TBC1D14: variants seen among roughly 807,000 people sequenced by gnomAD.
TBC1D14 encodes the protein TBC1 domain family, member 14.
Under a neutral mutation model 79.0 loss-of-function variants are expected in TBC1D14, and 26 were observed. The ratio of observed to expected loss-of-function variants is 0.33; its 90% CI spans 0.24 to 0.46. The LOEUF (loss-of-function observed/expected upper bound fraction) is 0.46. Among genes scored for constraint, TBC1D14 ranks in the 20% least tolerant of loss-of-function variants. TBC1D14 has a pLI of 1.00. For synonymous variants in TBC1D14, 394 were observed against 349.9 expected (o/e 1.13, Z -1.40); for missense variants, 769 against 887.6 (o/e 0.87, Z 1.70).
rs780065676 is a variant in TBC1D14 at position 7,014,516 on chromosome 4, CAAG to C, written c.1722_1724del (p.Lys574del). 7 of 1,613,854 alleles carry C rather than the reference CAAG, an allele frequency of 4.3e-6. No homozygotes were observed. The highest frequency in any genetic ancestry group is 2.7e-5 in the African/African-American group (2 of 74,940). On this transcript the variant is annotated inframe_deletion, in exon 12 of 14. Transcript: ENST00000409757. ...ATTTGCCGAAATTATTTGCGCATTT[CAAG>C]AAGAACAACCTAACTCCAGATATCT...
intron 1 of TBC1D14, among the ~76,000 whole-genome samples, chr4:6,922,058 GTTTGTTTT>G (rs1723910135): frequency 6.6e-6 from 1 of 151,994 alleles, no homozygotes; most frequent in Non-Finnish European, 1.5e-5. Flanking sequence ...TTGTTTGTTT[GTTTGTTTT>G]TTTAGAGATA....
intron 2 of TBC1D14, among the ~76,000 whole-genome samples, chr4:6,958,343 T>C (rs1714850682): frequency 6.9e-6 from 1 of 145,200 alleles, no homozygotes; most frequent in African/African-American, 2.7e-5. Context: ...AGGTGGGTGA[T>C]AGGGTAAGGG....
At chr4:6,916,905 G>C (rs1723444633) in intron 1 of TBC1D14, among the ~76,000 whole-genome samples, 1 of 152,216 alleles carries the variant, frequency 6.6e-6, no homozygotes, top group African/African-American at 2.4e-5. Context: ...GTACTGCAGT[G>C]GTCACTGCTG....
intron 2 of TBC1D14, among the ~76,000 whole-genome samples, chr4:6,937,439 T>C (rs1347733697): frequency 2.6e-5 from 4 of 152,040 alleles, no homozygotes; most frequent in African/African-American, 9.7e-5. Context: ...TTCCTAATAC[T>C]GTCAACCTGA....
intron 2 of TBC1D14, among the ~76,000 whole-genome samples, chr4:6,957,233 G>A (rs1448031042): frequency 1.3e-5 from 2 of 152,240 alleles, no homozygotes; most frequent in African/African-American, 4.8e-5. Context: ...TCCCAGATGG[G>A]TGACCTTGAG....
intron 2 of TBC1D14, among the ~76,000 whole-genome samples, chr4:6,945,208 G>A (rs983005369): frequency 2.6e-5 from 4 of 152,170 alleles, no homozygotes; most frequent in Non-Finnish European, 5.9e-5. Context: ...GTATTTGCTG[G>A]GGTGTAGGGG....
chr4:6,994,698 T>TACTAAAAATACAAAAA (rs1718832034), intron 4 of TBC1D14, among the ~76,000 whole-genome samples: 1 of 151,438 alleles, frequency 6.6e-6, no homozygotes, highest in South Asian at 2.1e-4. Flanking sequence ...AAATACAAAA[T>TACTAAAAATACAAAAA]ACTAAAAATA....
rs1723206731 is a variant in TBC1D14, at chr4:7,033,093, A to G, written c.*2701A>G. On this transcript the variant is annotated 3_prime_UTR_variant, in exon 14 of 14. Coordinates refer to ENST00000409757, the MANE Select transcript of TBC1D14 (RefSeq NM_020773.3). ...TTGTAAATAGGTGGTTTTATTAAAT[A>G]AAAGTCAATGTAAAATTGTTACTTA... 6.5e-6 allele frequency: 1 copy of G among 152,710 alleles called. No homozygotes were observed. The highest frequency in any genetic ancestry group is 2.1e-4 in the South Asian group (1 of 4,836). 9.5% of individuals were successfully genotyped at this position (152,710 alleles called of 1,614,324 possible).
intron 1 of TBC1D14, among the ~76,000 whole-genome samples, chr4:6,917,987 C>T (rs1482800823): frequency 6.6e-6 from 1 of 152,186 alleles, no homozygotes; most frequent in East Asian, 1.9e-4. Flanking sequence ...TCCCTGAAAA[C>T]TGACGCCCTG....
chr4:7,019,491 G>A (rs1462557204), intron 12 of TBC1D14, among the ~76,000 whole-genome samples: 1 of 152,184 alleles, frequency 6.6e-6, no homozygotes, highest in Non-Finnish European at 1.5e-5. Context: ...GGCTTAGGTT[G>A]GGTCTTTATG....
At chr4:7,008,051 C>A (rs146573030) in intron 9 of TBC1D14, among the ~76,000 whole-genome samples, 109 of 152,356 alleles carry the variant, frequency 7.2e-4, no homozygotes, top group African/African-American at 2.6e-3. Context: ...GTTTGTTCAT[C>A]TGTAACAGGG....
chr4:6,980,908 G>A (rs1269742587), intron 3 of TBC1D14, among the ~76,000 whole-genome samples: 1 of 151,680 alleles, frequency 6.6e-6, no homozygotes, highest in East Asian at 1.9e-4. Flanking sequence ...GTAGAGACGG[G>A]GTTTCACCGT....
chr4:6,980,738 C>G (rs111646480), intron 3 of TBC1D14, among the ~76,000 whole-genome samples: 3 of 149,896 alleles, frequency 2.0e-5, no homozygotes, highest in Non-Finnish European at 4.4e-5. Context: ...TTTTTTGATA[C>G]GGAGTCTCGC....
At chr4:7,030,274 A>G (rs542907399) in intron 13 of TBC1D14, 53 bp from the exon 14 acceptor site, 3 of 1,577,616 alleles carry the variant, frequency 1.9e-6, no homozygotes, top group African/African-American at 2.7e-5. Context: ...CGCTGCTGTC[A>G]GGATCTGTGT....
intron 1 of TBC1D14, among the ~76,000 whole-genome samples, chr4:6,920,967 A>G (rs1036721057): frequency 6.6e-6 from 1 of 152,156 alleles, no homozygotes; most frequent in East Asian, 1.9e-4. Context: ...TTTAGTAGAG[A>G]TGAGGTTTCA....
chr4:6,939,366 C>T (rs1442160450), intron 2 of TBC1D14, among the ~76,000 whole-genome samples: 2 of 150,710 alleles, frequency 1.3e-5, no homozygotes, highest in African/African-American at 4.9e-5. Flanking sequence ...GTGTCGACTC[C>T]CAGCTCTGTG....
chr4:6,943,275 G>A (rs1057169651), intron 2 of TBC1D14, among the ~76,000 whole-genome samples: 1 of 152,208 alleles, frequency 6.6e-6, no homozygotes, highest in African/African-American at 2.4e-5. Flanking sequence ...CCAGGACAAC[G>A]AGGAAATGGG....
chr4:6,940,106 C>T (rs1032983141), intron 2 of TBC1D14, among the ~76,000 whole-genome samples: 7 of 152,264 alleles, frequency 4.6e-5, no homozygotes, highest in African/African-American at 1.7e-4. Context: ...TATCAAACTG[C>T]CGTCCAGTGT....
At chr4:6,939,202 A>G (rs1712649781) in intron 2 of TBC1D14, among the ~76,000 whole-genome samples, 1 of 152,164 alleles carries the variant, frequency 6.6e-6, no homozygotes, top group African/African-American at 2.4e-5. Context: ...ATCTTCCAGC[A>G]GGAAGAACCT....
Sources: allele counts gnomAD v4.1 joint callset (sites outside exome capture counted in the v4.1 genomes callset), GRCh38; gene constraint gnomAD v4.1.1; transcripts MANE v1.5; gene names NCBI Gene and HGNC (gene_info 2026-07-23, HGNC 2026-07-21).